DNAJC19: variants seen among roughly 807,000 people sequenced by gnomAD.
DNAJC19 encodes mitochondrial import inner membrane translocase subunit TIM14.
Under a neutral mutation model 19.8 loss-of-function variants are expected in DNAJC19, and 15 were observed. The observed-to-expected ratio is 0.76, with a 90% CI of 0.51 to 1.17. The LOEUF (loss-of-function observed/expected upper bound fraction) is 1.17. DNAJC19 is among the 50% of genes most tolerant of loss of function. The probability of loss-of-function intolerance (pLI) is 0.00; values close to 1 mark genes in which losing one functional copy is unlikely to be tolerated. For missense variants in DNAJC19, 105 were observed against 140.9 expected (o/e 0.75, Z 1.29); for synonymous variants, 38 against 42.1 (o/e 0.90, Z 0.38).
intron 1 of DNAJC19, chr3:180,989,258 A>C (rs1020998593): frequency 8.1e-7 from 1 of 1,234,650 alleles, no homozygotes; most frequent in Non-Finnish European, 1.0e-6. Flanking sequence ...TAGTGCTGTG[A>C]AGATGTGTTA....
chr3:180,986,995 C>T lies in DNAJC19; in HGVS notation c.157G>A (p.Gly53Arg). ...CGTTTTGTCATTTTGGGTTCAAACCCACCTCTATAATAGCCACCACTGAAG... is the reference window on the plus strand; with the variant it reads ...CGTTTTGTCATTTTGGGTTCAAACCTACCTCTATAATAGCCACCACTGAAG... ...SAFSGGYYRGGFEPKMTKREA... is the reference protein window; with the variant it reads ...SAFSGGYYRGRFEPKMTKREA... The change falls in exon 4 of 6, where the codon GGG becomes AGG. Residue 53 changes from glycine (G) to arginine (R), a missense_variant. Physicochemically the swap from Gly to Arg is moderately radical, Grantham distance 125 (BLOSUM62 -2). Coordinates refer to ENST00000382564, the MANE Select transcript of DNAJC19 (RefSeq NM_145261.4). 6.2e-7 allele frequency: 1 copy of T among 1,613,944 alleles called. No homozygotes were observed. The highest frequency in any genetic ancestry group is 8.5e-7 in the Non-Finnish European group (1 of 1,179,906).
rs1011696769 is a variant in DNAJC19 at position 180,984,243 on chromosome 3, C to G, written c.*397G>C. The G allele has an allele frequency of 4.4e-6, 2 of 454,050 alleles. No individual in the cohort carries two copies. The highest frequency in any genetic ancestry group is 8.8e-6 in the Non-Finnish European group (2 of 226,884). 28.1% of individuals were successfully genotyped at this position (454,050 alleles called of 1,614,324 possible). A position where few individuals can be genotyped will look rare whatever the true frequency, so the allele number is the denominator to read the frequency against. On this transcript the variant is annotated 3_prime_UTR_variant, in exon 6 of 6. Coordinates refer to ENST00000382564, the MANE Select transcript of DNAJC19 (RefSeq NM_145261.4). Reference sequence around the variant, plus strand: ...TTCCACCGAATAAGAAGAGTCCCTACTTAAACAGCTTAAGCTAATTTCCAT... The same window carrying G: ...TTCCACCGAATAAGAAGAGTCCCTAGTTAAACAGCTTAAGCTAATTTCCAT...
chr3:180,986,015 G>A lies in DNAJC19; in HGVS notation c.210-19C>T, dbSNP rs780397593. 22 of 1,596,770 alleles carry A rather than the reference G, an allele frequency of 1.4e-5. No individual in the cohort carries two copies. The highest frequency in any genetic ancestry group is 1.9e-5 in the Non-Finnish European group (22 of 1,166,364). The stretch of plus-strand genomic sequence containing the variant: ...AGTAGGGCTAATTAAAAAAAGAAAT[G>A]GTATTTACTTCATCCTACTTCTGCA... On this transcript the variant is annotated intron_variant, in intron 4 of 5. Transcript: ENST00000382564.
In DNAJC19 at chr3:180,984,406, G is replaced by T; in HGVS notation, c.*234C>A. The T allele has an allele frequency of 1.8e-6, 1 of 543,752 alleles. No individual in the cohort carries two copies. Among genetic ancestry groups the T allele is most frequent in the Non-Finnish European group, 3.5e-6 (1 of 282,348 alleles). The allele number at this position is 543,752 out of a possible 1,614,324, so 33.7% of individuals were successfully genotyped here. ...CCAAATTATCTGCTAAATGAGTAATGAACAATATTTCTATTCAGAAGGTGT... is the reference window on the plus strand; with the variant it reads ...CCAAATTATCTGCTAAATGAGTAATTAACAATATTTCTATTCAGAAGGTGT... On this transcript the variant is annotated 3_prime_UTR_variant, in exon 6 of 6. Coordinates refer to ENST00000382564, the MANE Select transcript of DNAJC19 (RefSeq NM_145261.4).
intron 5 of DNAJC19, chr3:180,985,567 A>T (rs1300086318): frequency 2.4e-5 from 6 of 246,606 alleles, no homozygotes; most frequent in African/African-American, 1.4e-4. Context: ...AGTCTATCAC[A>T]AACGAATAAA....
In DNAJC19 at chr3:180,989,680, C is replaced by T. The variant is rs1460828142; in HGVS notation, c.-78G>A. 1 of 1,556,086 alleles carries T rather than the reference C, an allele frequency of 6.4e-7. No individual in the cohort carries two copies. Among genetic ancestry groups the T allele is most frequent in the Non-Finnish European group, 8.7e-7 (1 of 1,150,670 alleles). On this transcript the variant is annotated 5_prime_UTR_variant, in exon 1 of 6. Transcript: ENST00000382564. The stretch of plus-strand genomic sequence containing the variant: ...AGAGGCCGCGGCCAACACCTGCACG[C>T]CTTTACCAGAGAGCGACGCAACCCC...
intron 3 of DNAJC19, chr3:180,987,785 T>C (rs1714986903): frequency 7.3e-6 from 4 of 548,712 alleles, no homozygotes; most frequent in African/African-American, 1.9e-5. Context: ...AAAGTGAAAC[T>C]TGGGTCTAGT....
chr3:180,988,353 CTTTT>C (rs369840102), intron 1 of DNAJC19, 124 bp from the exon 2 acceptor site: 492 of 648,904 alleles, frequency 7.6e-4, no homozygotes, highest in Middle Eastern at 1.4e-3. Flanking sequence ...TTTTTTTTTT[CTTTT>C]TTTTTTTTTT....
Position 180,984,534 on chromosome 3 carries a change from G to T in DNAJC19, c.*106C>A. The T allele has an allele frequency of 1.3e-6, 1 of 768,762 alleles. No homozygotes were observed. Among genetic ancestry groups the T allele is most frequent in the Admixed American group, 2.3e-5 (1 of 44,420 alleles). 47.6% of individuals were successfully genotyped at this position (768,762 alleles called of 1,614,324 possible). A position where few individuals can be genotyped will look rare whatever the true frequency, so the allele number is the denominator to read the frequency against. ...ATACCAAGGCTTTGAGATTTAGCTT[G>T]TGCTAAATCATTTTTTAAAATTGTA... On this transcript the variant is annotated 3_prime_UTR_variant, in exon 6 of 6. Coordinates refer to ENST00000382564, the MANE Select transcript of DNAJC19 (RefSeq NM_145261.4).
At chr3:180,984,739 A>C in intron 5 of DNAJC19, 29 bp from the exon 6 acceptor site, 1 of 1,505,316 alleles carries the variant, frequency 6.6e-7, no homozygotes, top group Non-Finnish European at 9.2e-7. Context: ...AAGAACAGTT[A>C]CAATATGGAT....
At position 180,988,092 on chromosome 3, in the gene DNAJC19, A is replaced by C; in HGVS notation, c.60T>G (p.Arg20=). The C allele has an allele frequency of 6.2e-7, 1 of 1,614,172 alleles. No individual in the cohort carries two copies. Among genetic ancestry groups the C allele is most frequent in the Non-Finnish European group, 8.5e-7 (1 of 1,180,028 alleles). The change falls in exon 3 of 6, where the codon CGT becomes CGG. Residue 20 remains arginine (R), a synonymous_variant. Transcript: ENST00000382564. The stretch of plus-strand genomic sequence containing the variant: ...TATGCTTCATGGCTTGCAAAACGTA[A>C]CGGCCTAAAACCAAAAGCAACAGAA... ...LTIAAAGFAG[R]YVLQAMKHME...
At chr3:180,988,148 T>G (rs1386861986) in intron 2 of DNAJC19, 30 bp downstream of exon 2, 30 of 1,614,140 alleles carry the variant, frequency 1.9e-5, no homozygotes, top group Non-Finnish European at 2.5e-5. Context: ...TCTCCCCGAC[T>G]TCACTTCCAT....
chr3:180,986,701 A>C (rs1192097493), intron 4 of DNAJC19: 2 of 496,106 alleles, frequency 4.0e-6, no homozygotes, highest in African/African-American at 3.9e-5. Context: ...TTTAGTAAAC[A>C]CTCTAGGAAA....
At chr3:180,989,553 G>T in intron 1 of DNAJC19, 47 bp downstream of exon 1, 1 of 1,564,174 alleles carries the variant, frequency 6.4e-7, no homozygotes. Context: ...AGCTGAGGTT[G>T]AGGCCTGGGC....
chr3:180,989,838 C>T (rs1273542432), upstream of DNAJC19: 4 of 730,542 alleles, frequency 5.5e-6, no homozygotes, highest in African/African-American at 5.2e-5. Flanking sequence ...AAAGCGACTT[C>T]GGGTTGGTTG....
intron 4 of DNAJC19, 76 bp from the exon 5 acceptor site, chr3:180,986,072 T>A (rs1714889861): frequency 6.0e-6 from 7 of 1,176,236 alleles, no homozygotes; most frequent in Non-Finnish European, 8.8e-6. Flanking sequence ...AAAGGCCAAT[T>A]AAAGACACTG....
chr3:180,986,841 C>A lies in DNAJC19; in HGVS notation c.209+102G>T, dbSNP rs1036373522. On this transcript the variant is annotated intron_variant, in intron 4 of 5. Coordinates refer to ENST00000382564, the MANE Select transcript of DNAJC19 (RefSeq NM_145261.4). ...AATATCAATCTTCCTAGGACAAAAT[C>A]CCCCATGACCCTCTCCTATTAAAGG... 4 of 955,792 alleles carry A rather than the reference C, an allele frequency of 4.2e-6. No individual in the cohort carries two copies. The highest frequency in any genetic ancestry group is 5.1e-6 in the Non-Finnish European group (3 of 590,202). The allele number at this position is 955,792 out of a possible 1,614,324, so 59.2% of individuals were successfully genotyped here. A position where few individuals can be genotyped will look rare whatever the true frequency, so the allele number is the denominator to read the frequency against.
chr3:180,987,141 C>A, intron 3 of DNAJC19, 119 bp from the exon 4 acceptor site: 1 of 852,164 alleles, frequency 1.2e-6, no homozygotes, highest in East Asian at 2.5e-5. Context: ...ACTTTTAGTG[C>A]AATTCCCGAG....
intron 1 of DNAJC19, 30 bp from the exon 2 acceptor site, chr3:180,988,259 CT>C: frequency 6.2e-7 from 1 of 1,612,946 alleles, no homozygotes; most frequent in East Asian, 2.2e-5. Context: ...TAAATATTTA[CT>C]TCTCTAATTC....
Sources: allele counts gnomAD v4.1 joint callset, GRCh38; gene constraint gnomAD v4.1.1; transcripts MANE v1.5; gene names NCBI Gene and HGNC (gene_info 2026-07-23, HGNC 2026-07-21).